GREM2: variants seen among roughly 807,000 people sequenced by gnomAD.
The protein encoded by GREM2 is gremlin-2.
A neutral mutation model predicts 14.2 loss-of-function variants in GREM2; 11 were observed. The observed-to-expected ratio is 0.78, with a 90% CI of 0.49 to 1.28. The LOEUF is 1.28. Ranked by LOEUF, GREM2 falls within the 50% of genes most tolerant of loss-of-function variation. The pLI is 0.00. For missense variants in GREM2, 210 were observed against 218.5 expected, an observed-to-expected ratio of 0.96 and a Z score of 0.24; for synonymous variants, 98 against 97.6, an observed-to-expected ratio of 1.00 and a Z score of -0.02.
chr1:240,593,787 C>T (rs1346194846), intron 1 of GREM2, among the ~76,000 whole-genome samples: 2 of 151,990 alleles, frequency 1.3e-5, no homozygotes, highest in African/African-American at 2.4e-5. Flanking sequence ...ACTATGTTAC[C>T]TAAAAGGGCT....
chr1:240,576,354 C>A (rs910238903), intron 1 of GREM2, among the ~76,000 whole-genome samples: 1 of 152,184 alleles, frequency 6.6e-6, no homozygotes, highest in Admixed American at 6.5e-5. Context: ...ATCTTCCTTC[C>A]CTCTCTTGAC....
intron 1 of GREM2, among the ~76,000 whole-genome samples, chr1:240,504,129 C>A (rs923003200): frequency 6.6e-6 from 1 of 151,998 alleles, no homozygotes; most frequent in African/African-American, 2.4e-5. Context: ...TAATTTAATG[C>A]CTATCTAGCT....
At chr1:240,534,408 G>C (rs147211374) in intron 1 of GREM2, among the ~76,000 whole-genome samples, 2,239 of 152,278 alleles carry the variant, frequency 0.015, 40 homozygotes, top group Non-Finnish European at 0.017. Flanking sequence ...GAGTGCAAAA[G>C]GCCGGGTGCA....
At chr1:240,559,304 C>T (rs1678999936) in intron 1 of GREM2, among the ~76,000 whole-genome samples, 1 of 148,862 alleles carries the variant, frequency 6.7e-6, no homozygotes, top group East Asian at 2.0e-4. Context: ...TTTTAAAAAT[C>T]GGTCATTAGT....
intron 1 of GREM2, chr1:240,530,647 C>G (rs1411143366): frequency 6.6e-6 from 1 of 152,110 alleles, no homozygotes; most frequent in African/African-American, 2.4e-5. Context: ...AAACTAGGAC[C>G]ATCGCAAATG....
intron 1 of GREM2, among the ~76,000 whole-genome samples, chr1:240,522,390 G>A (rs906836224): frequency 1.3e-5 from 2 of 151,978 alleles, no homozygotes; most frequent in African/African-American, 4.8e-5. Context: ...AGCAATTTTG[G>A]AACAGTGGTA....
Position 240,493,608 on chromosome 1 carries a change from T to A in GREM2, c.-1-132A>T, listed in dbSNP as rs914476352. 5.5e-6 allele frequency: 6 copies of A among 1,085,896 alleles called. No homozygotes were observed. In the African/African-American group the frequency reaches 9.5e-5, roughly 17 times the overall value. 67.3% of individuals were successfully genotyped at this position (1,085,896 alleles called of 1,614,324 possible). On this transcript the variant is annotated intron_variant, in intron 1 of 1. Coordinates refer to ENST00000318160, the MANE Select transcript of GREM2 (RefSeq NM_022469.4). Reference sequence around the variant, plus strand: ...GGCTGGAGTGCAGGGGCACGTAGCTTGCTGCAGGCTCAAACTCTGGGATCC... The same window carrying A: ...GGCTGGAGTGCAGGGGCACGTAGCTAGCTGCAGGCTCAAACTCTGGGATCC...
Position 240,510,348 on chromosome 1 carries a change from C to T in GREM2, c.-1-16872G>A, listed in dbSNP as rs373375105. Among the ~76,000 whole-genome samples the T allele has an allele frequency of 1.1e-3, 116 of 110,314 alleles. 3 individuals carry two copies. In the South Asian group the frequency reaches 0.017, roughly 17 times the overall value. The allele number at this position is 110,314 out of a possible 152,430, so 72.4% of individuals were successfully genotyped here. A position where few individuals can be genotyped will look rare whatever the true frequency, so the allele number is the denominator to read the frequency against. ...TCGCGCCACTGCACTCCAGCCTGGG[C>T]GACAGAGCGAGACTCCGTCGCAAAA... On this transcript the variant is annotated intron_variant, in intron 1 of 1. Transcript: ENST00000318160.
chr1:240,497,906 T>C (rs1677467675), intron 1 of GREM2, among the ~76,000 whole-genome samples: 2 of 152,190 alleles, frequency 1.3e-5, no homozygotes, highest in Admixed American at 1.3e-4. Flanking sequence ...ATTTTAATAA[T>C]TTCCGAAATT....
intron 1 of GREM2, among the ~76,000 whole-genome samples, chr1:240,537,474 G>C (rs1572388411): frequency 6.6e-6 from 1 of 151,964 alleles, no homozygotes. Flanking sequence ...GAGGGGGAAA[G>C]GAGTTGATGC....
intron 1 of GREM2, among the ~76,000 whole-genome samples, chr1:240,576,931 G>T (rs1435288014): frequency 2.0e-5 from 3 of 152,032 alleles, no homozygotes; most frequent in Admixed American, 1.3e-4. Context: ...AACTTACTTG[G>T]GAAGATTTTT....
intron 1 of GREM2, among the ~76,000 whole-genome samples, chr1:240,522,931 T>C (rs529136432): frequency 2.0e-5 from 3 of 152,030 alleles, no homozygotes; most frequent in Non-Finnish European, 4.4e-5. Context: ...TAAAAAAAGA[T>C]TCAACAATGA....
intron 1 of GREM2, among the ~76,000 whole-genome samples, chr1:240,552,795 C>G (rs10802889): frequency 0.3 from 45,498 of 151,990 alleles, 6,975 homozygotes; most frequent in East Asian, 0.5. Context: ...AGATGCTGTA[C>G]TTGAAAGTTT....
chr1:240,531,932 G>T (rs1678371714), intron 1 of GREM2, among the ~76,000 whole-genome samples: 1 of 151,942 alleles, frequency 6.6e-6, no homozygotes, highest in African/African-American at 2.4e-5. Context: ...CAAACAATTG[G>T]AAACGATAGC....
chr1:240,525,261 G>A (rs962684788), intron 1 of GREM2, among the ~76,000 whole-genome samples: 6 of 152,256 alleles, frequency 3.9e-5, no homozygotes, highest in East Asian at 1.9e-4. Flanking sequence ...GGGTTGTGCC[G>A]CAGGTAGGTC....
intron 1 of GREM2, among the ~76,000 whole-genome samples, chr1:240,608,177 G>C (rs960740423): frequency 2.0e-5 from 3 of 152,216 alleles, no homozygotes; most frequent in Non-Finnish European, 4.4e-5. Context: ...CTGTGGTGAA[G>C]ACTGAATTAA....
intron 1 of GREM2, among the ~76,000 whole-genome samples, chr1:240,528,843 T>C (rs1449388252): frequency 2.0e-5 from 3 of 152,164 alleles, no homozygotes; most frequent in Non-Finnish European, 2.9e-5. Context: ...AGATTTAGCA[T>C]CCAGCTTTGC....
intron 1 of GREM2, among the ~76,000 whole-genome samples, chr1:240,548,024 G>A (rs1678773768): frequency 2.6e-5 from 4 of 151,948 alleles, no homozygotes; most frequent in Non-Finnish European, 5.9e-5. Flanking sequence ...CGGTTTGGGA[G>A]GCCAAGGTGG....
intron 1 of GREM2, among the ~76,000 whole-genome samples, chr1:240,522,546 G>A (rs1678124825): frequency 6.6e-6 from 1 of 152,094 alleles, no homozygotes; most frequent in African/African-American, 2.4e-5. Flanking sequence ...CCTAGAGAAC[G>A]TCATTGTTGT....
Sources: allele counts gnomAD v4.1 joint callset (sites outside exome capture counted in the v4.1 genomes callset), GRCh38; gene constraint gnomAD v4.1.1; transcripts MANE v1.5; gene names NCBI Gene and HGNC (gene_info 2026-07-23, HGNC 2026-07-21).